Variants in KCNQ1 observed in about 807,000 individuals in gnomAD.
KCNQ1 encodes potassium voltage-gated channel subfamily KQT member 1.
A neutral mutation model predicts 72.4 loss-of-function variants in KCNQ1; 49 were observed. The observed-to-expected ratio is 0.68, with a 90% confidence interval of 0.54 to 0.86. The LOEUF is 0.86. Among genes scored for constraint, KCNQ1 ranks in the 40% least tolerant of loss-of-function variants. KCNQ1 has a pLI of 0.00. For synonymous variants in KCNQ1, 450 were observed against 412.6 expected (o/e 1.09, Z -1.10); for missense variants, 790 against 945.1 (o/e 0.84, Z 2.15).
rs1850517911 is a variant in KCNQ1 at position 2,687,857 on chromosome 11, C to T, written c.1514+25776C>T. 5.0e-6 allele frequency: 2 copies of T among 398,626 alleles called. No individual in the cohort carries two copies. Among genetic ancestry groups the T allele is most frequent in the African/African-American group, 2.1e-5 (1 of 48,642 alleles). 24.7% of individuals were successfully genotyped at this position (398,626 alleles called of 1,614,324 possible). ...GGCCAAACTCTGGTTCCTGAGGAGC[C>T]TCAAAGGCTGGACTTGGGGTGTCCC... On this transcript the variant is annotated intron_variant, in intron 11 of 15. Coordinates refer to ENST00000155840, the MANE Select transcript of KCNQ1 (RefSeq NM_000218.3). The surrounding 1 kb of genome is among the most constrained non-coding windows in gnomAD (Gnocchi z 5.0).
In KCNQ1 at chr11:2,652,868, A is replaced by C; in HGVS notation, c.1394-9093A>C. 2.5e-6 allele frequency: 1 copy of C among 398,702 alleles called. No homozygotes were observed. Among genetic ancestry groups the C allele is most frequent in the Non-Finnish European group, 4.4e-6 (1 of 226,130 alleles). 24.7% of individuals were successfully genotyped at this position (398,702 alleles called of 1,614,324 possible). A position where few individuals can be genotyped will look rare whatever the true frequency, so the allele number is the denominator to read the frequency against. ...GCTGAGGCTTGCTATACTTATTCTA[A>C]GGAGAAGTGTTTGGGGTGTGGGGTG... is the stretch of plus-strand genomic sequence containing the variant. On this transcript the variant is annotated intron_variant, in intron 10 of 15. Transcript: ENST00000155840. This position sits in a 1 kb window ranked among gnomAD's most constrained non-coding sequence, Gnocchi z 5.9.
chr11:2,783,086 A>G lies in KCNQ1; in HGVS notation c.1794+5049A>G, dbSNP rs1218670728. Among the ~76,000 whole-genome samples the G allele has an allele frequency of 1.3e-5, 2 of 152,198 alleles. No individual in the cohort carries two copies. The highest frequency in any genetic ancestry group is 6.5e-5 in the Admixed American group (1 of 15,284). On this transcript the variant is annotated intron_variant, in intron 15 of 15. Transcript: ENST00000155840. This position sits in a 1 kb window ranked among gnomAD's most constrained non-coding sequence, Gnocchi z 5.2. Reference sequence around the variant, plus strand: ...AATCTCATGGCTTTCTAAATTTTTAAGGTATGCATTTAAGGTTATAAATTT... The same window carrying G: ...AATCTCATGGCTTTCTAAATTTTTAGGGTATGCATTTAAGGTTATAAATTT...
At chr11:2,524,929 G>T (rs1847469602) in intron 1 of KCNQ1, among the ~76,000 whole-genome samples, 1 of 152,206 alleles carries the variant, frequency 6.6e-6, no homozygotes, top group Non-Finnish European at 1.5e-5. Context: ...GCCCCGGGCA[G>T]CCCGGCTCTG....
rs1398427170 is a variant in KCNQ1 at position 2,493,428 on chromosome 11, G to A, written c.387-34500G>A. ...TTTTAGTCATGAAGTCCTTGCCCAT[G>A]CCTATGTCCTGAATGGTATTGCCTG... On this transcript the variant is annotated intron_variant, in intron 1 of 15. Transcript: ENST00000155840. This position sits in a 1 kb window ranked among gnomAD's most constrained non-coding sequence, Gnocchi z 5.3. 6.6e-6 allele frequency among the ~76,000 whole-genome samples: 1 copy of A among 152,148 alleles called. No homozygotes were observed. Among genetic ancestry groups the A allele is most frequent in the African/African-American group, 2.4e-5 (1 of 41,444 alleles).
intron 15 of KCNQ1, among the ~76,000 whole-genome samples, chr11:2,791,619 G>A (rs1229297880): frequency 6.6e-6 from 1 of 152,118 alleles, no homozygotes; most frequent in Non-Finnish European, 1.5e-5. Flanking sequence ...GCGAACCGGC[G>A]GCACAGGCCC....
intron 12 of KCNQ1, among the ~76,000 whole-genome samples, chr11:2,774,566 G>A (rs1564888613): frequency 6.6e-6 from 1 of 152,216 alleles, no homozygotes; most frequent in Non-Finnish European, 1.5e-5. Flanking sequence ...GGAGGTCTCT[G>A]CCCTGTCTTG....
chr11:2,461,693 C>A (rs763214792), intron 1 of KCNQ1: 3 of 1,367,042 alleles, frequency 2.2e-6, no homozygotes, highest in Non-Finnish European at 2.9e-6. Flanking sequence ...GCTTCCTGAG[C>A]CAGTGCGGGG....
chr11:2,661,243 G>C lies in KCNQ1; in HGVS notation c.1394-718G>C. 1 of 399,088 alleles carries C rather than the reference G, an allele frequency of 2.5e-6. No homozygotes were observed. Among genetic ancestry groups the C allele is most frequent in the Non-Finnish European group, 4.4e-6 (1 of 226,490 alleles). 24.7% of individuals were successfully genotyped at this position (399,088 alleles called of 1,614,324 possible). A position where few individuals can be genotyped will look rare whatever the true frequency, so the allele number is the denominator to read the frequency against. ...TCACAGATGAGTACTTAATCCTTTT[G>C]CAATAAAATATTTAAATGAAGACAA... On this transcript the variant is annotated intron_variant, in intron 10 of 15. Transcript: ENST00000155840. The surrounding 1 kb of genome is among the most constrained non-coding windows in gnomAD (Gnocchi z 5.9).
intron 15 of KCNQ1, among the ~76,000 whole-genome samples, chr11:2,811,676 G>A (rs1035516466): frequency 2.0e-5 from 3 of 152,220 alleles, no homozygotes; most frequent in African/African-American, 4.8e-5. Context: ...CAGTGGGCGC[G>A]CAGCACAAGG....
chr11:2,485,307 T>C (rs1446552127), intron 1 of KCNQ1, among the ~76,000 whole-genome samples: 1 of 151,606 alleles, frequency 6.6e-6, no homozygotes, highest in Non-Finnish European at 1.5e-5. Flanking sequence ...GCACAAAGAG[T>C]GTCCTCAGAG....
At chr11:2,456,741 G>GA (rs1846195842) in intron 1 of KCNQ1, among the ~76,000 whole-genome samples, 2 of 116,592 alleles carry the variant, frequency 1.7e-5, no homozygotes, top group South Asian at 5.4e-4. Flanking sequence ...CTAACATGGT[G>GA]AAACCCTGTC....
chr11:2,527,321 G>A (rs957209731), intron 1 of KCNQ1, among the ~76,000 whole-genome samples: 10 of 152,180 alleles, frequency 6.6e-5, no homozygotes, highest in Non-Finnish European at 1.5e-4. Flanking sequence ...TGGCGGGCTG[G>A]CTTCTGTGCT....
At chr11:2,635,545 C>CT (rs1849449963) in intron 10 of KCNQ1, 1 of 152,140 alleles carries the variant, frequency 6.6e-6, no homozygotes, top group Admixed American at 6.6e-5. Flanking sequence ...GTCTATATCT[C>CT]TGTTTTGGTA....
chr11:2,533,644 G>A (rs904018825), intron 2 of KCNQ1, among the ~76,000 whole-genome samples: 5 of 152,246 alleles, frequency 3.3e-5, no homozygotes, highest in South Asian at 2.1e-4. Flanking sequence ...TGTGTCTGAC[G>A]TGTGTGTGCT....
At chr11:2,474,094 G>T (rs1375338416) in intron 1 of KCNQ1, among the ~76,000 whole-genome samples, 1 of 152,170 alleles carries the variant, frequency 6.6e-6, no homozygotes, top group Non-Finnish European at 1.5e-5. Context: ...GTGTGGAGTG[G>T]TTTTTTGTCT....
chr11:2,793,842 G>A (rs187564980), intron 15 of KCNQ1, among the ~76,000 whole-genome samples: 40 of 152,322 alleles, frequency 2.6e-4, no homozygotes, highest in Admixed American at 5.2e-4. Context: ...TGGCTGGGCA[G>A]GGGGACGCAC....
intron 11 of KCNQ1, among the ~76,000 whole-genome samples, chr11:2,741,539 T>C (rs1367679378): frequency 6.6e-6 from 1 of 152,110 alleles, no homozygotes; most frequent in African/African-American, 2.4e-5. Context: ...GCCTATCCCC[T>C]ACCCAGGCCC....
chr11:2,533,382 C>T (rs1205606575), intron 2 of KCNQ1, among the ~76,000 whole-genome samples: 1 of 152,144 alleles, frequency 6.6e-6, no homozygotes, highest in Non-Finnish European at 1.5e-5. Context: ...ATCTGCTGGG[C>T]AGGGAGATTT....
chr11:2,693,930 C>T (rs1357529707), intron 11 of KCNQ1: 1 of 398,628 alleles, frequency 2.5e-6, no homozygotes, highest in Non-Finnish European at 4.4e-6. Flanking sequence ...GATCCGGTAT[C>T]CGCTGAGAAC....
Sources: gnomAD v4.1 joint callset for allele counts (sites outside exome capture counted in the v4.1 genomes callset) on GRCh38, gnomAD v4.1.1 for gene constraint, Gnocchi (gnomAD v3.1) non-coding constraint, MANE v1.5 for transcripts, NCBI Gene and HGNC (gene_info 2026-07-23, HGNC 2026-07-21) for gene names.